The following GPC6 variants were observed in gnomAD, a reference collection of about 807,000 sequenced individuals.
GPC6 encodes the protein glypican-6.
A neutral mutation model predicts 55.2 loss-of-function variants in GPC6; 14 were observed. The observed-to-expected ratio is 0.25, with a 90% CI of 0.17 to 0.40. The LOEUF is 0.40. Among genes scored for constraint, GPC6 ranks in the 10% least tolerant of loss-of-function variants. The pLI is 1.00. For missense variants in GPC6, 641 were observed against 708.5 expected, an observed-to-expected ratio of 0.90 and a Z score of 1.08; for synonymous variants, 278 against 259.6, an observed-to-expected ratio of 1.07 and a Z score of -0.68.
At chr13:94,293,223 T>G (rs1179800744) in intron 5 of GPC6, among the ~76,000 whole-genome samples, 1 of 152,188 alleles carries the variant, frequency 6.6e-6, no homozygotes, top group Non-Finnish European at 1.5e-5. Context: ...ATGCTTTGAT[T>G]TGGCTCTGTG....
chr13:93,836,325 G>A (rs1887730179), intron 3 of GPC6, among the ~76,000 whole-genome samples: 1 of 152,170 alleles, frequency 6.6e-6, no homozygotes, highest in South Asian at 2.1e-4. Flanking sequence ...AAGAGAAATT[G>A]TATTCTATTT....
At chr13:93,855,921 T>C (rs1299808381) in intron 3 of GPC6, among the ~76,000 whole-genome samples, 2 of 151,682 alleles carry the variant, frequency 1.3e-5, no homozygotes, top group Non-Finnish European at 3.0e-5. Context: ...TCTTTCTATA[T>C]TTTGGATAAC....
At chr13:94,105,665 C>T (rs1337284508) in intron 4 of GPC6, among the ~76,000 whole-genome samples, 2 of 151,914 alleles carry the variant, frequency 1.3e-5, no homozygotes, top group African/African-American at 2.4e-5. Context: ...AAGTTTAGGG[C>T]GTGGTTGGAA....
chr13:93,804,923 A>T (rs1305375994), intron 2 of GPC6, among the ~76,000 whole-genome samples: 1 of 152,228 alleles, frequency 6.6e-6, no homozygotes, highest in Admixed American at 6.5e-5. Flanking sequence ...CAGAGCTGTT[A>T]TGAAGACCAA....
At chr13:94,388,120 G>T (rs575102700) in intron 7 of GPC6, among the ~76,000 whole-genome samples, 2 of 152,316 alleles carry the variant, frequency 1.3e-5, no homozygotes, top group East Asian at 3.9e-4. Context: ...CTAAAAAAAG[G>T]ATTCGTTGTT....
At chr13:93,539,061 C>T (rs998718566) in intron 1 of GPC6, among the ~76,000 whole-genome samples, 3 of 152,022 alleles carry the variant, frequency 2.0e-5, no homozygotes, top group Non-Finnish European at 2.9e-5. Context: ...GTATATCTCC[C>T]AATATTCTTT....
At chr13:93,335,687 C>G (rs1880020699) in intron 1 of GPC6, among the ~76,000 whole-genome samples, 1 of 152,156 alleles carries the variant, frequency 6.6e-6, no homozygotes, top group Non-Finnish European at 1.5e-5. Context: ...TGGGAGATTT[C>G]CTGCCTCTGT....
chr13:93,342,455 A>G (rs1258640136), intron 1 of GPC6, among the ~76,000 whole-genome samples: 1 of 152,108 alleles, frequency 6.6e-6, no homozygotes, highest in African/African-American at 2.4e-5. Context: ...TGAAACCATG[A>G]GATCTCATAA....
At chr13:94,037,655 C>T (rs1315224770) in intron 4 of GPC6, among the ~76,000 whole-genome samples, 1 of 151,890 alleles carries the variant, frequency 6.6e-6, no homozygotes, top group African/African-American at 2.4e-5. Context: ...ATTTCAGTGA[C>T]CTGTTCAAGG....
chr13:94,339,751 CTTTTTTTTTTTTTT>C (rs56074677), intron 6 of GPC6, among the ~76,000 whole-genome samples: 160 of 63,828 alleles, frequency 2.5e-3, no homozygotes, highest in Admixed American at 6.2e-3. Flanking sequence ...GCATACTTTC[CTTTTTTTTTTTTTT>C]TTTTTTTTTT....
intron 2 of GPC6, among the ~76,000 whole-genome samples, chr13:93,682,781 G>A (rs1222400424): frequency 6.7e-6 from 1 of 150,314 alleles, no homozygotes; most frequent in Non-Finnish European, 1.5e-5. Flanking sequence ...GCTGGAGCTG[G>A]CAGACCTCTT....
At chr13:94,128,537 T>C (rs1886901473) in intron 4 of GPC6, among the ~76,000 whole-genome samples, 1 of 152,158 alleles carries the variant, frequency 6.6e-6, no homozygotes, top group Non-Finnish European at 1.5e-5. Context: ...TAGCAGTTGC[T>C]GTGTGGAATT....
At chr13:93,419,940 A>G (rs1215434327) in intron 1 of GPC6, among the ~76,000 whole-genome samples, 1 of 152,144 alleles carries the variant, frequency 6.6e-6, no homozygotes, top group Admixed American at 6.6e-5. Context: ...AGGAGGTTGT[A>G]AGAAGGAAAG....
chr13:94,182,200 G>C (rs1381143710), intron 4 of GPC6, among the ~76,000 whole-genome samples: 1 of 146,858 alleles, frequency 6.8e-6, no homozygotes, highest in Non-Finnish European at 1.5e-5. Flanking sequence ...TTAGGTCTCA[G>C]ATTTTTTTTT....
At chr13:93,625,653 T>A (rs914614109) in intron 2 of GPC6, among the ~76,000 whole-genome samples, 1 of 152,194 alleles carries the variant, frequency 6.6e-6, no homozygotes, top group African/African-American at 2.4e-5. Flanking sequence ...TGAAAGATTT[T>A]AAAAATCCCT....
intron 2 of GPC6, among the ~76,000 whole-genome samples, chr13:93,753,846 A>T (rs1011018379): frequency 4.1e-4 from 62 of 152,222 alleles, no homozygotes; most frequent in Admixed American, 1.6e-3. Context: ...CAGTGATGCA[A>T]TCATAGCTCA....
At chr13:93,543,428 G>T (rs1026860396) in intron 1 of GPC6, among the ~76,000 whole-genome samples, 5 of 151,994 alleles carry the variant, frequency 3.3e-5, no homozygotes, top group African/African-American at 1.2e-4. Context: ...CGGTTTGCCA[G>T]TATTTTATTG....
At chr13:94,242,955 A>G (rs1891098358) in intron 4 of GPC6, among the ~76,000 whole-genome samples, 1 of 152,070 alleles carries the variant, frequency 6.6e-6, no homozygotes. Flanking sequence ...TCTAAAAAAA[A>G]AAAAAAGTAC....
intron 6 of GPC6, among the ~76,000 whole-genome samples, chr13:94,342,596 A>C (rs1000207175): frequency 2.0e-5 from 3 of 152,086 alleles, no homozygotes; most frequent in African/African-American, 7.2e-5. Flanking sequence ...GAGAGAATAC[A>C]TTTCTGTTGT....
Sources: allele counts gnomAD v4.1 joint callset (sites outside exome capture counted in the v4.1 genomes callset), GRCh38; gene constraint gnomAD v4.1.1; transcripts MANE v1.5; gene names NCBI Gene and HGNC (gene_info 2026-07-23, HGNC 2026-07-21).